The following APBB2 variants were observed in gnomAD, a reference collection of about 807,000 sequenced individuals.
The protein encoded by APBB2 is amyloid beta precursor protein binding family B member 2.
APBB2 carries 38 observed loss-of-function variants against 82.5 expected under a neutral mutation model. The observed-to-expected ratio is 0.46, with a 90% confidence interval of 0.36 to 0.60. APBB2 has a LOEUF of 0.60. Ranked by LOEUF, APBB2 falls within the 20% of genes least tolerant of loss-of-function variation. The pLI is 0.00. For missense variants in APBB2, 772 were observed against 972.3 expected (o/e 0.79, Z 2.74); for synonymous variants, 341 against 368.2 (o/e 0.93, Z 0.85).
At chr4:40,983,475 T>G (rs1799638059) in intron 6 of APBB2, among the ~76,000 whole-genome samples, 1 of 152,166 alleles carries the variant, frequency 6.6e-6, no homozygotes. Context: ...TTCTAGGAGG[T>G]AGGTAAATAT....
Position 40,816,129 on chromosome 4 carries a change from G to A in APBB2, c.2243C>T (p.Thr748Ile). 6.2e-7 allele frequency: 1 copy of A among 1,614,084 alleles called. No homozygotes were observed. ...GGTGACAGGGCGTTTCTGTTTCAAA[G>A]TGTCAATGAGGGATAAGACCCCTCG... is the stretch of plus-strand genomic sequence containing the variant. ...VKRGVLSLID[T>I]LKQKRPVTEM... Residue 748 changes from threonine to isoleucine, a missense_variant, in exon 18 of 18, where the codon ACT becomes ATT. Transcript: ENST00000508593.
intron 12 of APBB2, among the ~76,000 whole-genome samples, chr4:40,858,315 G>A (rs1026531321): frequency 6.6e-6 from 1 of 152,038 alleles, no homozygotes; most frequent in African/African-American, 2.4e-5. Context: ...GCAAGCGTAA[G>A]TTATTTGATT....
At chr4:41,197,507 G>A in intron 1 of APBB2, among the ~76,000 whole-genome samples, 1 of 152,190 alleles carries the variant, frequency 6.6e-6, no homozygotes, top group African/African-American at 2.4e-5. Flanking sequence ...CAGAGGTACA[G>A]AGAGGTCAAG....
chr4:40,851,456 C>T (rs1183927769), intron 12 of APBB2, among the ~76,000 whole-genome samples: 1 of 152,146 alleles, frequency 6.6e-6, no homozygotes, highest in Non-Finnish European at 1.5e-5. Context: ...CCAGAATCCT[C>T]GAAAACAGCA....
intron 1 of APBB2, among the ~76,000 whole-genome samples, chr4:41,190,997 GCTT>G (rs1433261297): frequency 6.6e-6 from 1 of 152,210 alleles, no homozygotes; most frequent in African/African-American, 2.4e-5. Flanking sequence ...TGTGGACCAT[GCTT>G]TGAGACCCAA....
intron 6 of APBB2, among the ~76,000 whole-genome samples, chr4:40,983,404 T>A (rs1799617740): frequency 1.3e-5 from 2 of 152,224 alleles, no homozygotes; most frequent in Admixed American, 1.3e-4. Context: ...CACATTTTTA[T>A]AATTTAAATG....
intron 2 of APBB2, among the ~76,000 whole-genome samples, chr4:41,105,975 T>C (rs1200544566): frequency 2.0e-5 from 3 of 151,644 alleles, no homozygotes; most frequent in East Asian, 1.9e-4. Context: ...AAATAAAAAC[T>C]ATGAATCTTA....
intron 12 of APBB2, among the ~76,000 whole-genome samples, chr4:40,878,764 T>G (rs1578151697): frequency 6.6e-6 from 1 of 152,220 alleles, no homozygotes; most frequent in South Asian, 2.1e-4. Context: ...CCTTTATTTA[T>G]AGCCTTGATG....
intron 10 of APBB2, among the ~76,000 whole-genome samples, chr4:40,922,196 C>T (rs1280124432): frequency 2.6e-5 from 4 of 152,242 alleles, no homozygotes; most frequent in African/African-American, 7.2e-5. Context: ...ATCCAACTTG[C>T]AGTGCAGTTG....
intron 12 of APBB2, among the ~76,000 whole-genome samples, chr4:40,888,996 G>A (rs1048353732): frequency 6.6e-6 from 1 of 152,218 alleles, no homozygotes; most frequent in Admixed American, 6.5e-5. Context: ...GAGCTTCCTC[G>A]TAAAATTAAC....
intron 2 of APBB2, among the ~76,000 whole-genome samples, chr4:41,128,452 T>C (rs1320292630): frequency 6.6e-6 from 1 of 152,168 alleles, no homozygotes; most frequent in Non-Finnish European, 1.5e-5. Flanking sequence ...ATATCACCAG[T>C]AAAAGGTAAC....
At chr4:40,894,054 C>T (rs1022593181) in intron 10 of APBB2, among the ~76,000 whole-genome samples, 75 of 151,578 alleles carry the variant, frequency 4.9e-4, no homozygotes, top group African/African-American at 1.8e-3. Context: ...TTTGGGAGGC[C>T]GAGGTAGGCA....
intron 1 of APBB2, among the ~76,000 whole-genome samples, chr4:41,167,423 C>T (rs1766961678): frequency 6.6e-6 from 1 of 152,174 alleles, no homozygotes. Flanking sequence ...CCACAACAAC[C>T]CCCAAGAGTG....
intron 10 of APBB2, among the ~76,000 whole-genome samples, chr4:40,930,434 TGTGTGTGTGTGTGTGC>T (rs1578516797): frequency 2.6e-5 from 1 of 38,778 alleles, no homozygotes; most frequent in East Asian, 7.5e-4. Flanking sequence ...TGTGTGTGTG[TGTGTGTGTGTGTGTGC>T]GCGCGCGCGC....
At chr4:40,877,117 T>G (rs1188510806) in intron 12 of APBB2, among the ~76,000 whole-genome samples, 1 of 152,198 alleles carries the variant, frequency 6.6e-6, no homozygotes, top group East Asian at 1.9e-4. Flanking sequence ...GATGAACACA[T>G]GCCGAAATGA....
intron 12 of APBB2, among the ~76,000 whole-genome samples, chr4:40,885,089 C>G (rs1769832597): frequency 6.6e-6 from 1 of 152,206 alleles, no homozygotes; most frequent in Non-Finnish European, 1.5e-5. Flanking sequence ...AAACACTGAA[C>G]CTGAATAAGA....
intron 12 of APBB2, among the ~76,000 whole-genome samples, chr4:40,871,275 G>A (rs1417917956): frequency 1.3e-5 from 2 of 152,186 alleles, no homozygotes; most frequent in Non-Finnish European, 2.9e-5. Context: ...CTCCTGAGTA[G>A]CTGGGACTAC....
chr4:41,123,484 C>T (rs1753490758), intron 2 of APBB2, among the ~76,000 whole-genome samples: 1 of 151,992 alleles, frequency 6.6e-6, no homozygotes, highest in Admixed American at 6.6e-5. Context: ...GATATTCCAC[C>T]CTGCATGTCA....
At chr4:41,138,517 C>T (rs1400772898) in intron 2 of APBB2, among the ~76,000 whole-genome samples, 1 of 151,810 alleles carries the variant, frequency 6.6e-6, no homozygotes, top group South Asian at 2.1e-4. Context: ...ACAAAAGAAA[C>T]AACCCAATAT....
Sources: gnomAD v4.1 joint callset for allele counts (sites outside exome capture counted in the v4.1 genomes callset) on GRCh38, gnomAD v4.1.1 for gene constraint, MANE v1.5 for transcripts, NCBI Gene and HGNC (gene_info 2026-07-23, HGNC 2026-07-21) for gene names.